The following RANBP2 variants were observed in gnomAD, a reference collection of about 807,000 sequenced individuals.
The protein encoded by RANBP2 is E3 SUMO-protein ligase RanBP2.
A neutral mutation model predicts 303.6 loss-of-function variants in RANBP2; 57 were observed. That is an observed-to-expected ratio of 0.19 (90% CI 0.15 to 0.23). The LOEUF is 0.23. RANBP2 is among the 10% of genes least tolerant of loss of function. The pLI is 1.00. For synonymous variants in RANBP2, 1,167 were observed against 1,301.5 expected, an observed-to-expected ratio of 0.90 and a Z score of 2.23; for missense variants, 3,138 against 3,780.8, an observed-to-expected ratio of 0.83 and a Z score of 4.46.
At chr2:108,774,280 T>A (rs1033975245) in intron 23 of RANBP2, among the ~76,000 whole-genome samples, 1 of 152,248 alleles carries the variant, frequency 6.6e-6, no homozygotes, top group Non-Finnish European at 1.5e-5. Flanking sequence ...AGTTTTCTGA[T>A]ACTGTCTTTG....
chr2:108,925,293 G>A, the RANBP2 span, among the ~76,000 whole-genome samples: 2 of 152,264 alleles, frequency 1.3e-5, no homozygotes, highest in East Asian at 1.9e-4. Context: ...GAACTTTGAT[G>A]CTGAGGTGGA....
chr2:108,930,340 C>T, the RANBP2 span: 30 of 1,432,546 alleles, frequency 2.1e-5, no homozygotes, highest in African/African-American at 1.3e-4. Context: ...GGGTGCCCTG[C>T]GGTGGGGGCT....
the RANBP2 span, among the ~76,000 whole-genome samples, chr2:108,977,559 C>T: frequency 0.77 from 117,890 of 152,178 alleles, 47,200 homozygotes; most frequent in South Asian, 0.87. Flanking sequence ...CGTGAGCCAC[C>T]GAGCCTGGCC....
At chr2:109,697,661 T>A in the RANBP2 span, among the ~76,000 whole-genome samples, 1 of 152,152 alleles carries the variant, frequency 6.6e-6, no homozygotes, top group East Asian at 1.9e-4. Context: ...ATATAGACAA[T>A]CATGCCATCT....
At chr2:109,717,916 G>A in the RANBP2 span, among the ~76,000 whole-genome samples, 1 of 151,944 alleles carries the variant, frequency 6.6e-6, no homozygotes, top group Non-Finnish European at 1.5e-5. Context: ...TCTGTCTCAA[G>A]AAAACAAAAA....
chr2:109,325,045 GT>G, the RANBP2 span, among the ~76,000 whole-genome samples: 4 of 127,052 alleles, frequency 3.1e-5, no homozygotes, highest in Admixed American at 1.5e-4. Flanking sequence ...AATGTGTGTG[GT>G]TTTTGTGTCT....
At chr2:109,590,006 A>T in the RANBP2 span, among the ~76,000 whole-genome samples, 1 of 151,444 alleles carries the variant, frequency 6.6e-6, no homozygotes, top group East Asian at 1.9e-4. Context: ...TTTTTCACAT[A>T]ATCATATATA....
chr2:108,874,820 T>G, the RANBP2 span, among the ~76,000 whole-genome samples: 13 of 152,198 alleles, frequency 8.5e-5, no homozygotes, highest in African/African-American at 2.7e-4. Flanking sequence ...TCTCTTGATT[T>G]CAGTAAATTC....
the RANBP2 span, among the ~76,000 whole-genome samples, chr2:109,336,801 A>C: frequency 6.6e-6 from 1 of 152,198 alleles, no homozygotes; most frequent in African/African-American, 2.4e-5. Context: ...GATTTATATA[A>C]ATCAACATGG....
the RANBP2 span, among the ~76,000 whole-genome samples, chr2:109,624,788 A>G: frequency 6.6e-6 from 1 of 152,194 alleles, no homozygotes; most frequent in Admixed American, 6.5e-5. Flanking sequence ...CTTCTTAGAA[A>G]TGCAGAATCT....
chr2:109,398,887 C>T, the RANBP2 span: 3 of 1,613,670 alleles, frequency 1.9e-6, no homozygotes, highest in Admixed American at 1.7e-5. Context: ...CAGCGATCCC[C>T]GAGCCGCGGC....
the RANBP2 span, among the ~76,000 whole-genome samples, chr2:109,238,872 A>G: frequency 2.6e-5 from 4 of 152,150 alleles, no homozygotes; most frequent in Non-Finnish European, 5.9e-5. Flanking sequence ...CTCTGTCCCA[A>G]GGGAGGATAC....
At chr2:108,876,299 C>A in the RANBP2 span, 2 of 1,091,188 alleles carry the variant, frequency 1.8e-6, no homozygotes, top group Non-Finnish European at 2.6e-6. Context: ...TATTTATAAA[C>A]ATGTAGAAAT....
the RANBP2 span, among the ~76,000 whole-genome samples, chr2:109,155,221 C>T: frequency 1.3e-5 from 2 of 152,192 alleles, no homozygotes; most frequent in African/African-American, 2.4e-5. Flanking sequence ...TCCATGGGCA[C>T]CTTGCATCTA....
the RANBP2 span, among the ~76,000 whole-genome samples, chr2:109,266,997 G>A: frequency 6.6e-6 from 1 of 152,122 alleles, no homozygotes. Flanking sequence ...GTCTTTATAA[G>A]ACTTGAAGAA....
chr2:109,337,671 C>T, the RANBP2 span, among the ~76,000 whole-genome samples: 1 of 151,634 alleles, frequency 6.6e-6, no homozygotes, highest in Non-Finnish European at 1.5e-5. Context: ...CATATGCTAT[C>T]AGCATATGCC....
chr2:109,297,652 T>C, the RANBP2 span, among the ~76,000 whole-genome samples: 1 of 147,850 alleles, frequency 6.8e-6, no homozygotes, highest in African/African-American at 2.5e-5. Flanking sequence ...ACCAGGCCAG[T>C]GTCCCCCACC....
At chr2:108,777,004 C>A in intron 24 of RANBP2, 126 bp from the exon 25 acceptor site, 1 of 762,656 alleles carries the variant, frequency 1.3e-6, no homozygotes, top group African/African-American at 1.8e-5. Context: ...TGTAACTTGA[C>A]AGAATTTAAA....
chr2:108,970,251 A>G, the RANBP2 span, among the ~76,000 whole-genome samples: 1 of 152,170 alleles, frequency 6.6e-6, no homozygotes, highest in Non-Finnish European at 1.5e-5. Flanking sequence ...CCCAGGTGGT[A>G]CGCATTTGAG....
Sources: allele counts gnomAD v4.1 joint callset (sites outside exome capture counted in the v4.1 genomes callset), GRCh38; gene constraint gnomAD v4.1.1; transcripts MANE v1.5; gene names NCBI Gene and HGNC (gene_info 2026-07-23, HGNC 2026-07-21).